The following ZEB2 variants were observed in gnomAD, a reference collection of about 807,000 sequenced individuals.
ZEB2 encodes the protein zinc finger E-box-binding homeobox 2.
A neutral mutation model predicts 99.9 loss-of-function variants in ZEB2; 6 were observed. That is an observed-to-expected ratio of 0.06 (90% CI 0.03 to 0.12). The LOEUF (loss-of-function observed/expected upper bound fraction) is 0.12, where lower values mean the gene tolerates loss of function less well. Ranked by LOEUF, ZEB2 falls within the 10% of genes least tolerant of loss-of-function variation. ZEB2 has a pLI of 1.00. For missense variants in ZEB2, 969 were observed against 1,502.8 expected, an observed-to-expected ratio of 0.64 and a Z score of 5.87; for synonymous variants, 517 against 542.5, an observed-to-expected ratio of 0.95 and a Z score of 0.65.
At chr2:144,517,208 TC>T in intron 2 of ZEB2, 69 bp downstream of exon 2, 1 of 1,595,592 alleles carries the variant, frequency 6.3e-7, no homozygotes, top group Non-Finnish European at 8.6e-7. Flanking sequence ...CTTTTCCCTT[TC>T]CCCCTCCTTC....
chr2:144,490,582 A>G (rs896728586), intron 2 of ZEB2, among the ~76,000 whole-genome samples: 1 of 152,148 alleles, frequency 6.6e-6, no homozygotes, highest in African/African-American at 2.4e-5. Context: ...CATCATTTCT[A>G]CTACGTTTTC....
At chr2:144,454,827 G>A (rs570622843) in intron 2 of ZEB2, among the ~76,000 whole-genome samples, 2 of 152,088 alleles carry the variant, frequency 1.3e-5, no homozygotes, top group African/African-American at 4.8e-5. Context: ...ATGATCCCTC[G>A]TTCCTGTAAA....
At position 144,386,680 on chromosome 2, in the gene ZEB2, AT is replaced by A. The variant is rs1703087856; in HGVS notation, c.*2770del. 3 of 152,282 alleles carry A rather than the reference AT, an allele frequency of 2.0e-5. No individual in the cohort carries two copies. Among genetic ancestry groups the A allele is most frequent in the South Asian group, 4.1e-4 (2 of 4,828 alleles). The allele number at this position is 152,282 out of a possible 1,614,324, so 9.4% of individuals were successfully genotyped here. On this transcript the variant is annotated 3_prime_UTR_variant, in exon 10 of 10. Coordinates refer to ENST00000627532, the MANE Select transcript of ZEB2 (RefSeq NM_014795.4). ...TGCCCCATGGGCAACAGAGACCTAC[AT>A]TGCTTTAAAAGAGGCCACAGGGATT...
chr2:144,503,890 G>A (rs1293267519), intron 2 of ZEB2: 2 of 151,766 alleles, frequency 1.3e-5, no homozygotes, highest in East Asian at 3.9e-4. Context: ...TCATTCAAAG[G>A]AGTATCTCTT....
At chr2:144,497,859 ATATATATATAT>A in intron 2 of ZEB2, 1 of 1,356 alleles carries the variant, frequency 7.4e-4, no homozygotes, top group Non-Finnish European at 4.2e-3. Flanking sequence ...TTCTCAACAT[ATATATATATAT>A]GTCATTCTCA....
intron 2 of ZEB2, among the ~76,000 whole-genome samples, chr2:144,483,156 A>ACACACATGCG: frequency 6.6e-6 from 1 of 151,434 alleles, no homozygotes; most frequent in East Asian, 1.9e-4. Flanking sequence ...ACACACACAC[A>ACACACATGCG]CACACACATA....
chr2:144,508,023 A>G (rs539884913), intron 2 of ZEB2, among the ~76,000 whole-genome samples: 1 of 152,314 alleles, frequency 6.6e-6, no homozygotes, highest in East Asian at 1.9e-4. Context: ...CATGGTCTGA[A>G]AGTGTTCAAA....
intron 2 of ZEB2, chr2:144,512,354 G>T: frequency 7.8e-7 from 1 of 1,287,186 alleles, no homozygotes; most frequent in South Asian, 1.2e-5. Context: ...CCACATCTTA[G>T]AATAAACGCG....
chr2:144,444,031 T>C (rs1038233378), intron 2 of ZEB2, among the ~76,000 whole-genome samples: 1 of 152,176 alleles, frequency 6.6e-6, no homozygotes, highest in Non-Finnish European at 1.5e-5. Context: ...CTGAAAATCC[T>C]TTATGAAGAG....
chr2:144,400,495 T>C, intron 7 of ZEB2: 1 of 627,720 alleles, frequency 1.6e-6, no homozygotes, highest in South Asian at 2.0e-5. Context: ...GGGCTATCTA[T>C]GCCTTTTTCA....
intron 2 of ZEB2, among the ~76,000 whole-genome samples, chr2:144,451,362 G>A (rs1008261936): frequency 3.9e-5 from 6 of 152,052 alleles, no homozygotes; most frequent in African/African-American, 7.2e-5. Flanking sequence ...CTGTTTTTTC[G>A]GTATAAATGA....
Position 144,404,128 on chromosome 2 carries a change from G to C in ZEB2, c.595C>G (p.Leu199Val). Residue 199 changes from leucine to valine, a missense_variant and splice_region_variant, in exon 6 of 10, where the codon CTG becomes GTG. Physicochemically the swap from Leu to Val is conservative, Grantham distance 32. Coordinates refer to ENST00000627532, the MANE Select transcript of ZEB2 (RefSeq NM_014795.4). Reference protein sequence around the residue: ...PEANGQEENDLPPGTPDAFAQ... With the variant: ...PEANGQEENDVPPGTPDAFAQ... ...AAAGCATCTGGAGTTCCAGGTGGCA[G>C]GTCTGTAGCCGAGAGACAGAGAGAG... 1 of 1,614,006 alleles carries C rather than the reference G, an allele frequency of 6.2e-7. No homozygotes were observed. Among genetic ancestry groups the C allele is most frequent in the Non-Finnish European group, 8.5e-7 (1 of 1,180,010 alleles).
intron 2 of ZEB2, among the ~76,000 whole-genome samples, chr2:144,506,687 T>G (rs1704955144): frequency 6.6e-6 from 1 of 152,190 alleles, no homozygotes; most frequent in African/African-American, 2.4e-5. Context: ...TCCTTGAAAT[T>G]TACTCATCCA....
At chr2:144,391,737 C>T (rs1703156858) in intron 9 of ZEB2, among the ~76,000 whole-genome samples, 1 of 152,086 alleles carries the variant, frequency 6.6e-6, no homozygotes. Flanking sequence ...TGGACTTGGA[C>T]CTTAAAGGAA....
At chr2:144,461,483 T>C (rs967066886) in intron 2 of ZEB2, 1 of 152,292 alleles carries the variant, frequency 6.6e-6, no homozygotes, top group Non-Finnish European at 1.5e-5. Flanking sequence ...CATTGCATCA[T>C]TGTCAGTTTT....
At chr2:144,517,771 C>G (rs1329377104) in intron 1 of ZEB2, 2 of 686,004 alleles carry the variant, frequency 2.9e-6, no homozygotes, top group South Asian at 1.5e-5. Flanking sequence ...GTCCTCAGCC[C>G]CCGGCTCGGG....
Position 144,389,558 on chromosome 2 carries a change from G to A in ZEB2, c.3538C>T (p.Arg1180Ter). The A allele has an allele frequency of 6.2e-7, 1 of 1,613,880 alleles. No homozygotes were observed. The highest frequency in any genetic ancestry group is 8.5e-7 in the Non-Finnish European group (1 of 1,180,020). ...KSMDTDPETI[R>*]DEEETGDHSM... Reference sequence around the variant, plus strand: ...TGATCTCCAGTCTCTTCTTCATCTCGTATCGTTTCGGGATCCGTATCCATA... The same window carrying A: ...TGATCTCCAGTCTCTTCTTCATCTCATATCGTTTCGGGATCCGTATCCATA... The change falls in exon 10 of 10, where the codon CGA becomes TGA. Residue 1180 changes from arginine (R) to a stop codon, truncating the protein, a stop_gained. Transcript: ENST00000627532. LOFTEE classifies it high-confidence loss of function. The surrounding 1 kb of genome is among the most constrained non-coding windows in gnomAD (Gnocchi z 6.8).
chr2:144,497,209 A>G (rs892666836), intron 2 of ZEB2, among the ~76,000 whole-genome samples: 28 of 151,842 alleles, frequency 1.8e-4, no homozygotes, highest in African/African-American at 6.5e-4. Context: ...ACCTTCTCCC[A>G]GATCTAGTTG....
intron 2 of ZEB2, among the ~76,000 whole-genome samples, chr2:144,501,085 C>CG (rs1209896285): frequency 2.3e-5 from 2 of 87,858 alleles, no homozygotes; most frequent in Non-Finnish European, 4.6e-5. Context: ...GGGGGGGTAG[C>CG]GGGGGGAAAG....
Sources: gnomAD v4.1 joint callset for allele counts (sites outside exome capture counted in the v4.1 genomes callset) on GRCh38, gnomAD v4.1.1 for gene constraint, Gnocchi (gnomAD v3.1) non-coding constraint, MANE v1.5 for transcripts, NCBI Gene and HGNC (gene_info 2026-07-23, HGNC 2026-07-21) for gene names.